Variants in AUH observed in about 807,000 individuals in gnomAD.
The protein encoded by AUH is AU RNA binding methylglutaconyl-CoA hydratase.
A neutral mutation model predicts 42.3 loss-of-function variants in AUH; 29 were observed. That is an observed-to-expected ratio of 0.69 (90% CI 0.51 to 0.93). The LOEUF (loss-of-function observed/expected upper bound fraction) is 0.93, where lower values mean the gene tolerates loss of function less well. Ranked by LOEUF, AUH falls within the 40% of genes least tolerant of loss-of-function variation. AUH has a pLI of 0.00. For missense variants in AUH, 452 were observed against 438.1 expected, an observed-to-expected ratio of 1.03 and a Z score of -0.28; for synonymous variants, 174 against 166.4, an observed-to-expected ratio of 1.05 and a Z score of -0.35.
chr9:91,346,834 T>C (rs1443883293), intron 3 of AUH, among the ~76,000 whole-genome samples: 2 of 151,550 alleles, frequency 1.3e-5, no homozygotes, highest in Non-Finnish European at 2.9e-5. Context: ...CTCAGGTTAC[T>C]TAATTCACTA....
chr9:91,340,602 A>C (rs1341030234), intron 3 of AUH, among the ~76,000 whole-genome samples: 3 of 152,218 alleles, frequency 2.0e-5, no homozygotes, highest in Non-Finnish European at 4.4e-5. Flanking sequence ...CCCAAATGAC[A>C]CTATCACTGA....
At chr9:91,303,724 T>C (rs1221382845) in intron 4 of AUH, among the ~76,000 whole-genome samples, 3 of 152,248 alleles carry the variant, frequency 2.0e-5, no homozygotes, top group South Asian at 4.1e-4. Context: ...TGTAGCATTA[T>C]GCTGGAAGTC....
chr9:91,278,023 G>T (rs1233994842), intron 6 of AUH, among the ~76,000 whole-genome samples: 1 of 152,192 alleles, frequency 6.6e-6, no homozygotes, highest in Non-Finnish European at 1.5e-5. Flanking sequence ...AGGAGGCATC[G>T]TAGAGGCAGC....
chr9:91,267,347 T>G (rs1445502614), intron 6 of AUH, among the ~76,000 whole-genome samples: 3 of 152,198 alleles, frequency 2.0e-5, no homozygotes, highest in Admixed American at 6.5e-5. Context: ...ACACAATTAG[T>G]TAATGGTTTA....
intron 7 of AUH, among the ~76,000 whole-genome samples, chr9:91,219,367 G>A (rs773514): frequency 0.43 from 66,106 of 152,064 alleles, 17,754 homozygotes; most frequent in Non-Finnish European, 0.6. Context: ...ACTGAGGTAT[G>A]TTCTGGTCAT....
chr9:91,221,102 T>C, intron 6 of AUH, 110 bp from the exon 7 acceptor site: 15 of 1,250,252 alleles, frequency 1.2e-5, no homozygotes, highest in Non-Finnish European at 1.6e-5. Flanking sequence ...GAAGTTTATA[T>C]GTTAAAATTA....
At chr9:91,331,067 C>G (rs1442368417) in intron 3 of AUH, among the ~76,000 whole-genome samples, 1 of 152,090 alleles carries the variant, frequency 6.6e-6, no homozygotes, top group Admixed American at 6.6e-5. Context: ...CGCCCTACCC[C>G]CTCCAGCTGC....
chr9:91,266,792 G>A (rs1444650635), intron 6 of AUH, among the ~76,000 whole-genome samples: 1 of 152,154 alleles, frequency 6.6e-6, no homozygotes, highest in Non-Finnish European at 1.5e-5. Flanking sequence ...GGCACATAAA[G>A]GAACAGGCTC....
chr9:91,341,441 A>G (rs1191006106), intron 3 of AUH, among the ~76,000 whole-genome samples: 1 of 152,256 alleles, frequency 6.6e-6, no homozygotes, highest in Non-Finnish European at 1.5e-5. Flanking sequence ...GTTTAACGGT[A>G]AGTCATAAAG....
intron 4 of AUH, among the ~76,000 whole-genome samples, chr9:91,302,845 T>C (rs1045597657): frequency 4.6e-5 from 7 of 152,176 alleles, no homozygotes; most frequent in African/African-American, 1.7e-4. Flanking sequence ...AGATTATGAA[T>C]TTCAAAGATC....
intron 4 of AUH, among the ~76,000 whole-genome samples, chr9:91,320,651 T>G (rs1829496686): frequency 6.6e-6 from 1 of 152,250 alleles, no homozygotes; most frequent in African/African-American, 2.4e-5. Flanking sequence ...TCTATTAAAC[T>G]CCTTTAAACT....
At chr9:91,301,715 T>A (rs569190985) in intron 4 of AUH, among the ~76,000 whole-genome samples, 1 of 152,258 alleles carries the variant, frequency 6.6e-6, no homozygotes, top group African/African-American at 2.4e-5. Flanking sequence ...GACCAGGGCC[T>A]GCAGATGGAA....
At chr9:91,231,846 G>A (rs1240640588) in intron 6 of AUH, among the ~76,000 whole-genome samples, 2 of 152,110 alleles carry the variant, frequency 1.3e-5, no homozygotes, top group African/African-American at 4.8e-5. Flanking sequence ...ACATTCCCAG[G>A]ACACTCCTGC....
chr9:91,332,658 C>A (rs1587877649), intron 3 of AUH, among the ~76,000 whole-genome samples: 1 of 152,070 alleles, frequency 6.6e-6, no homozygotes. Flanking sequence ...TGGCCAGAAG[C>A]CAGAAACAGA....
At chr9:91,298,968 C>T (rs1433498577) in intron 4 of AUH, among the ~76,000 whole-genome samples, 1 of 152,150 alleles carries the variant, frequency 6.6e-6, no homozygotes, top group Non-Finnish European at 1.5e-5. Context: ...CCTGTAATCC[C>T]AGCACTTTGG....
At chr9:91,359,988 A>G (rs1419324788) in intron 1 of AUH, among the ~76,000 whole-genome samples, 1 of 151,818 alleles carries the variant, frequency 6.6e-6, no homozygotes, top group Non-Finnish European at 1.5e-5. Flanking sequence ...TGTATGTCCT[A>G]TCTCATCAGG....
chr9:91,266,403 T>A (rs1343781518), intron 6 of AUH, among the ~76,000 whole-genome samples: 1 of 151,132 alleles, frequency 6.6e-6, no homozygotes, highest in Non-Finnish European at 1.5e-5. Context: ...AAATAAAAAA[T>A]AAAGGAAAGT....
chr9:91,330,721 T>C (rs925724061), intron 3 of AUH, among the ~76,000 whole-genome samples: 16 of 152,196 alleles, frequency 1.1e-4, no homozygotes, highest in African/African-American at 1.2e-4. Context: ...TTATGAAATA[T>C]TTCTACAAGG....
At chr9:91,230,617 G>C (rs1222294752) in intron 6 of AUH, among the ~76,000 whole-genome samples, 6 of 152,188 alleles carry the variant, frequency 3.9e-5, no homozygotes, top group Non-Finnish European at 5.9e-5. Flanking sequence ...TCCTTTGGAG[G>C]AGGAGAGGCA....
Sources: gnomAD v4.1 joint callset for allele counts (sites outside exome capture counted in the v4.1 genomes callset) on GRCh38, gnomAD v4.1.1 for gene constraint, MANE v1.5 for transcripts, NCBI Gene and HGNC (gene_info 2026-07-23, HGNC 2026-07-21) for gene names.